Variants in WRN observed in about 807,000 individuals in gnomAD.
WRN encodes the protein bifunctional 3'-5' exonuclease/ATP-dependent helicase WRN.
Under a neutral mutation model 180.7 loss-of-function variants are expected in WRN, and 149 were observed. The observed-to-expected ratio is 0.82, with a 90% CI of 0.72 to 0.94. The LOEUF is 0.94. Among genes scored for constraint, WRN ranks in the 40% least tolerant of loss-of-function variants. The pLI is 0.00. For synonymous variants in WRN, 548 were observed against 568.9 expected, an observed-to-expected ratio of 0.96 and a Z score of 0.52; for missense variants, 1,661 against 1,700.1, an observed-to-expected ratio of 0.98 and a Z score of 0.40.
At chr8:31,057,148 T>C (rs1812304122) in intron 1 of WRN, among the ~76,000 whole-genome samples, 1 of 152,242 alleles carries the variant, frequency 6.6e-6, no homozygotes, top group South Asian at 2.1e-4. Context: ...TGCTGCATAT[T>C]GTTTAATTTT....
At chr8:31,050,620 C>A (rs955420981) in intron 1 of WRN, among the ~76,000 whole-genome samples, 1 of 151,094 alleles carries the variant, frequency 6.6e-6, no homozygotes, top group African/African-American at 2.4e-5. Context: ...TAATTTTCAA[C>A]ACTAGAGCAG....
chr8:31,142,972 T>C (rs1802704193), intron 27 of WRN, among the ~76,000 whole-genome samples: 1 of 151,850 alleles, frequency 6.6e-6, no homozygotes, highest in Non-Finnish European at 1.5e-5. Context: ...TAGTCACATG[T>C]TATAATACTT....
At chr8:31,037,170 G>A (rs1811481210) in intron 1 of WRN, among the ~76,000 whole-genome samples, 1 of 152,198 alleles carries the variant, frequency 6.6e-6, no homozygotes, top group Non-Finnish European at 1.5e-5. Flanking sequence ...CTATCTGGGA[G>A]TGATGGGAGA....
intron 24 of WRN, among the ~76,000 whole-genome samples, chr8:31,133,140 T>A (rs374912822): frequency 7.5e-4 from 114 of 152,316 alleles, no homozygotes; most frequent in African/African-American, 2.6e-3. Context: ...ACCGTTGCAG[T>A]CCAAGAGCTT....
chr8:31,113,495 C>T (rs1436287624), intron 19 of WRN, among the ~76,000 whole-genome samples: 1 of 152,074 alleles, frequency 6.6e-6, no homozygotes, highest in Non-Finnish European at 1.5e-5. Context: ...TCCCTTTCAT[C>T]CTAAAGAGGA....
chr8:31,076,448 C>T (rs1187193449), intron 8 of WRN, among the ~76,000 whole-genome samples, 161 bp downstream of exon 8: 1 of 151,984 alleles, frequency 6.6e-6, no homozygotes, highest in Non-Finnish European at 1.5e-5. Flanking sequence ...AATATCTTTC[C>T]AGTTGTTGAA....
In WRN at chr8:31,154,682, A is replaced by G; in HGVS notation, c.3746A>G (p.Lys1249Arg). 1 of 1,613,682 alleles carries G rather than the reference A, an allele frequency of 6.2e-7. No individual in the cohort carries two copies. Among genetic ancestry groups the G allele is most frequent in the Non-Finnish European group, 8.5e-7 (1 of 1,179,744 alleles). The stretch of plus-strand genomic sequence containing the variant: ...GAACAGAAGACGAGTCTGGTAGCAA[A>G]AAATAAAATATGCACACTTTCACAG... ...QEEQKTSLVAKNKICTLSQSM... is the reference protein window; with the variant it reads ...QEEQKTSLVARNKICTLSQSM... The change falls in exon 32 of 35, where the codon AAA becomes AGA. Residue 1249 changes from lysine to arginine, a missense_variant. By Grantham distance (26) the Lys-to-Arg change is conservative. Transcript: ENST00000298139.
At chr8:31,138,095 C>T (rs1301945170) in intron 24 of WRN, among the ~76,000 whole-genome samples, 1 of 151,628 alleles carries the variant, frequency 6.6e-6, no homozygotes, top group African/African-American at 2.4e-5. Flanking sequence ...AAGAGAGACC[C>T]TGTCTCCAAA....
intron 7 of WRN, among the ~76,000 whole-genome samples, chr8:31,068,778 T>G (rs1812803516): frequency 6.6e-6 from 1 of 152,272 alleles, no homozygotes; most frequent in Non-Finnish European, 1.5e-5. Context: ...TTGTTGGTCA[T>G]TTTACAGTGC....
intron 7 of WRN, among the ~76,000 whole-genome samples, chr8:31,070,531 G>T (rs1436433694): frequency 6.6e-6 from 1 of 152,066 alleles, no homozygotes; most frequent in African/African-American, 2.4e-5. Flanking sequence ...ATACCGTAGT[G>T]AACAAGCCAG....
intron 24 of WRN, among the ~76,000 whole-genome samples, chr8:31,136,441 T>G (rs1467932630): frequency 1.6e-4 from 25 of 152,374 alleles, no homozygotes. Flanking sequence ...TAGGTCATAC[T>G]GTTACTTTGT....
rs777311042 is a variant in WRN, at chr8:31,067,147, G to C, written c.619G>C (p.Glu207Gln). 11 of 1,613,760 alleles carry C rather than the reference G, an allele frequency of 6.8e-6. No individual in the cohort carries two copies. The East Asian group carries it at 1.6e-4, about 23-fold the overall frequency. Residue 207 changes from glutamate to glutamine, a missense_variant, in exon 6 of 35, where the codon GAG becomes CAG. Physicochemically the swap from Glu to Gln is conservative, Grantham distance 29. Coordinates refer to ENST00000298139, the MANE Select transcript of WRN (RefSeq NM_000553.6). The stretch of plus-strand genomic sequence containing the variant: ...CAATTGGAGTAAATTTCCTCTCACT[G>C]AGGACCAGAAACTGTATGCAGCCAC... ...CSNWSKFPLTEDQKLYAATDA... is the reference protein window; with the variant it reads ...CSNWSKFPLTQDQKLYAATDA...
At chr8:31,121,769 C>T (rs997894868) in intron 21 of WRN, among the ~76,000 whole-genome samples, 33 of 151,784 alleles carry the variant, frequency 2.2e-4, no homozygotes, top group African/African-American at 7.5e-4. Flanking sequence ...TAAGATTTTC[C>T]TTCTGAGTAG....
At chr8:31,104,786 T>C (rs1326818089) in intron 18 of WRN, among the ~76,000 whole-genome samples, 3 of 152,218 alleles carry the variant, frequency 2.0e-5, no homozygotes, top group Non-Finnish European at 4.4e-5. Flanking sequence ...TTTGCCCCTT[T>C]GTTGAAAGTC....
intron 31 of WRN, among the ~76,000 whole-genome samples, chr8:31,153,679 C>T (rs1445643678): frequency 6.6e-6 from 1 of 152,084 alleles, no homozygotes; most frequent in Non-Finnish European, 1.5e-5. Context: ...CATTAGGCAT[C>T]ATATATATAG....
rs1812357219 is a variant in WRN, at chr8:31,058,437, A to G, written c.-11A>G. The stretch of plus-strand genomic sequence containing the variant: ...TTGTTTTTTGGACTCTGCAAATAGG[A>G]CATTTCAAAGATGAGTGAAAAAAAA... On this transcript the variant is annotated 5_prime_UTR_variant, in exon 2 of 35. Transcript: ENST00000298139. The G allele has an allele frequency of 6.2e-7, 1 of 1,612,088 alleles. No individual in the cohort carries two copies. Among genetic ancestry groups the G allele is most frequent in the Non-Finnish European group, 8.5e-7 (1 of 1,178,658 alleles).
At position 31,054,393 on chromosome 8, in the gene WRN, A is replaced by AT. The variant is rs199771566; in HGVS notation, c.-76-3970dup. Among the ~76,000 whole-genome samples, 47 of 151,014 alleles carry AT rather than the reference A, an allele frequency of 3.1e-4. No individual in the cohort carries two copies. The East Asian group carries it at 3.7e-3, about 12-fold the overall frequency. On this transcript the variant is annotated intron_variant, in intron 1 of 34. Transcript: ENST00000298139. ...ATTAAGCCATTCAAAATAAAAAACA[A>AT]TTTTTTTTTGGTAAGAGATGGGATC...
At chr8:31,044,083 C>T (rs533719098) in intron 1 of WRN, among the ~76,000 whole-genome samples, 1 of 152,002 alleles carries the variant, frequency 6.6e-6, no homozygotes, top group Non-Finnish European at 1.5e-5. Flanking sequence ...ACTCTGTCGC[C>T]CAGGCTGGAG....
At chr8:31,112,132 T>C (rs1236764975) in intron 19 of WRN, among the ~76,000 whole-genome samples, 1 of 152,160 alleles carries the variant, frequency 6.6e-6, no homozygotes, top group African/African-American at 2.4e-5. Context: ...TGGAGTGCAG[T>C]GGTGTGATCA....
Sources: gnomAD v4.1 joint callset for allele counts (sites outside exome capture counted in the v4.1 genomes callset) on GRCh38, gnomAD v4.1.1 for gene constraint, MANE v1.5 for transcripts, NCBI Gene and HGNC (gene_info 2026-07-23, HGNC 2026-07-21) for gene names.